OR14J1: variants seen among roughly 807,000 people sequenced by gnomAD.
OR14J1 encodes olfactory receptor family 14 subfamily J member 1.
For missense variants in OR14J1, 378 were observed against 393.4 expected, an observed-to-expected ratio of 0.96 and a Z score of 0.33; for synonymous variants, 140 against 146.7, an observed-to-expected ratio of 0.95 and a Z score of 0.33.
chr6:29,307,247 CT>C lies in OR14J1; in HGVS notation c.559del (p.Cys187ValfsTer23). ...ATGTTCCTCAGATGCTGAAACTAGCCTGTTCTTATGAATTCATTAATGAGAT... is the reference window on the plus strand; with the variant it reads ...ATGTTCCTCAGATGCTGAAACTAGCCGTTCTTATGAATTCATTAATGAGAT... ...CDVPQMLKLACSYEFINEIAL... is the reference protein window; with the variant it reads ...CDVPQMLKLAXSYEFINEIAL... On this transcript the variant is annotated frameshift_variant, in exon 2 of 2. Coordinates refer to ENST00000641895, the MANE Select transcript of OR14J1 (RefSeq NM_030946.2). LOFTEE classifies it low-confidence loss of function (END_TRUNC). 2.5e-6 allele frequency: 4 copies of C among 1,612,980 alleles called. No homozygotes were observed. The highest frequency in any genetic ancestry group is 3.4e-6 in the Non-Finnish European group (4 of 1,180,012).
intron 1 of OR14J1, among the ~76,000 whole-genome samples, chr6:29,303,788 G>C (rs1411085644): frequency 6.6e-6 from 1 of 151,668 alleles, no homozygotes; most frequent in East Asian, 1.9e-4. Context: ...AAACAATCTG[G>C]TTCATTAAGA....
At position 29,307,344 on chromosome 6, in the gene OR14J1, A is replaced by C; in HGVS notation, c.655A>C (p.Ile219Leu). 1.2e-6 allele frequency: 2 copies of C among 1,613,036 alleles called. No homozygotes were observed. Among genetic ancestry groups the C allele is most frequent in the Non-Finnish European group, 1.7e-6 (2 of 1,180,026 alleles). Residue 219 changes from isoleucine (I) to leucine (L), a missense_variant, in exon 2 of 2, where the codon ATC (isoleucine) becomes CTC (leucine). Ile to Leu is a conservative substitution (Grantham distance 5, BLOSUM62 2). Coordinates refer to ENST00000641895, the MANE Select transcript of OR14J1 (RefSeq NM_030946.2). ...CTCCATTGTGCTCTCCTACATTCGCATCTTCTCTACAGTGCTGAGAATCCC... is the reference window on the plus strand; with the variant it reads ...CTCCATTGTGCTCTCCTACATTCGCCTCTTCTCTACAGTGCTGAGAATCCC... ...LISIVLSYIR[I>L]FSTVLRIPSA...
rs1775521622 is a variant in OR14J1 at position 29,311,646 on chromosome 6, C to T, written c.*3991C>T. 1 of 152,034 alleles carries T rather than the reference C, an allele frequency of 6.6e-6. No individual in the cohort carries two copies. The highest frequency in any genetic ancestry group is 2.4e-5 in the African/African-American group (1 of 41,384). 9.4% of individuals were successfully genotyped at this position (152,034 alleles called of 1,614,324 possible). On this transcript the variant is annotated 3_prime_UTR_variant, in exon 2 of 2. Transcript: ENST00000641895. ...TCATAAAATGAGTTATGGAGGATTCCCTCTTTTTCTATTGTTTGGAATATT... is the reference window on the plus strand; with the variant it reads ...TCATAAAATGAGTTATGGAGGATTCTCTCTTTTTCTATTGTTTGGAATATT...
chr6:29,306,516 C>T (rs770273892), intron 1 of OR14J1, 146 bp from the exon 2 acceptor site: 10 of 617,432 alleles, frequency 1.6e-5, no homozygotes, highest in South Asian at 6.3e-5. Context: ...ATTGCTAAAA[C>T]GTTTTTGAAT....
In OR14J1 at chr6:29,309,074, C is replaced by G. The variant is rs1775318443; in HGVS notation, c.*1419C>G. 1 of 152,082 alleles carries G rather than the reference C, an allele frequency of 6.6e-6. No homozygotes were observed. The highest frequency in any genetic ancestry group is 2.4e-5 in the African/African-American group (1 of 41,398). 9.4% of individuals were successfully genotyped at this position (152,082 alleles called of 1,614,324 possible). A position where few individuals can be genotyped will look rare whatever the true frequency, so the allele number is the denominator to read the frequency against. On this transcript the variant is annotated 3_prime_UTR_variant, in exon 2 of 2. Coordinates refer to ENST00000641895, the MANE Select transcript of OR14J1 (RefSeq NM_030946.2). ...GTGTGTGATGTTCCCCTACCTGTGT[C>G]CATGTGTTCTCATTGTTCAGCTCCT...
In OR14J1 at chr6:29,309,591, G is replaced by A. The variant is rs1329579355; in HGVS notation, c.*1936G>A. ...ATAGCCATTCTAACTGGCATGAGATGGTATCTCATTATGGTTTTGATTCAC... is the reference window on the plus strand; with the variant it reads ...ATAGCCATTCTAACTGGCATGAGATAGTATCTCATTATGGTTTTGATTCAC... On this transcript the variant is annotated 3_prime_UTR_variant, in exon 2 of 2. Coordinates refer to ENST00000641895, the MANE Select transcript of OR14J1 (RefSeq NM_030946.2). 6.6e-6 allele frequency: 1 copy of A among 152,132 alleles called. No individual in the cohort carries two copies. The highest frequency in any genetic ancestry group is 1.5e-5 in the Non-Finnish European group (1 of 68,032). The allele number at this position is 152,132 out of a possible 1,614,324, so 9.4% of individuals were successfully genotyped here.
At chr6:29,302,842 T>A (rs1774807779) in intron 1 of OR14J1, among the ~76,000 whole-genome samples, 1 of 145,020 alleles carries the variant, frequency 6.9e-6, no homozygotes, top group Non-Finnish European at 1.5e-5. Flanking sequence ...AAGAATAAAA[T>A]ATTGCCAGAG....
At position 29,311,900 on chromosome 6, in the gene OR14J1, A is replaced by G. The variant is rs1165136406; in HGVS notation, c.*4245A>G. Reference sequence around the variant, plus strand: ...TAGATTTTCTAGTTTATTTGCATAGAGATGTTTATAGTATTCCCTGATGGT... The same window carrying G: ...TAGATTTTCTAGTTTATTTGCATAGGGATGTTTATAGTATTCCCTGATGGT... On this transcript the variant is annotated 3_prime_UTR_variant, in exon 2 of 2. Coordinates refer to ENST00000641895, the MANE Select transcript of OR14J1 (RefSeq NM_030946.2). 6.6e-6 allele frequency: 1 copy of G among 152,086 alleles called. No homozygotes were observed. The highest frequency in any genetic ancestry group is 6.5e-5 in the Admixed American group (1 of 15,270). 9.4% of individuals were successfully genotyped at this position (152,086 alleles called of 1,614,324 possible). A position where few individuals can be genotyped will look rare whatever the true frequency, so the allele number is the denominator to read the frequency against.
In OR14J1 at chr6:29,309,794, A is replaced by T. The variant is rs1300734163; in HGVS notation, c.*2139A>T. 2.0e-5 allele frequency: 3 copies of T among 152,230 alleles called. No homozygotes were observed. Among genetic ancestry groups the T allele is most frequent in the Admixed American group, 1.3e-4 (2 of 15,268 alleles). 9.4% of individuals were successfully genotyped at this position (152,230 alleles called of 1,614,324 possible). ...CAGGAGATTGAGACCATCCTGGCTA[A>T]CATGGTGAAACTCCATCTCAACTAA... On this transcript the variant is annotated 3_prime_UTR_variant, in exon 2 of 2. Coordinates refer to ENST00000641895, the MANE Select transcript of OR14J1 (RefSeq NM_030946.2).
Position 29,307,154 on chromosome 6 carries a change from C to T in OR14J1, c.465C>T (p.Leu155=), listed in dbSNP as rs150184697. 6 of 1,612,778 alleles carry T rather than the reference C, an allele frequency of 3.7e-6. No homozygotes were observed. The African/African-American group carries it at 6.7e-5, about 18-fold the overall frequency. ...AVWIAGGLSG[L]MHAAINFSIP... is the part of the protein sequence containing the mutation. ...GGATTGCTGGGGGCCTCTCTGGGCT[C>T]ATGCATGCTGCCATTAACTTCTCCA... The change falls in exon 2 of 2, where the codon CTC becomes CTT. Residue 155 remains leucine, a synonymous_variant. Coordinates refer to ENST00000641895, the MANE Select transcript of OR14J1 (RefSeq NM_030946.2).
rs1562861726 is a variant in OR14J1, at chr6:29,312,320, C to G, written c.*4665C>G. 1 of 152,618 alleles carries G rather than the reference C, an allele frequency of 6.6e-6. No individual in the cohort carries two copies. The highest frequency in any genetic ancestry group is 1.5e-5 in the Non-Finnish European group (1 of 68,388). 9.5% of individuals were successfully genotyped at this position (152,618 alleles called of 1,614,324 possible). Reference sequence around the variant, plus strand: ...AGCTCAGTCTCTGCGCAAACAGCCGCCCAGTTTTGTGCTTGAAACCCAGGA... The same window carrying G: ...AGCTCAGTCTCTGCGCAAACAGCCGGCCAGTTTTGTGCTTGAAACCCAGGA... On this transcript the variant is annotated 3_prime_UTR_variant, in exon 2 of 2. Transcript: ENST00000641895.
chr6:29,309,574 T>C lies in OR14J1; in HGVS notation c.*1919T>C, dbSNP rs1342052403. The C allele has an allele frequency of 6.6e-6, 1 of 152,226 alleles. No individual in the cohort carries two copies. The highest frequency in any genetic ancestry group is 1.5e-5 in the Non-Finnish European group (1 of 68,044). 9.4% of individuals were successfully genotyped at this position (152,226 alleles called of 1,614,324 possible). ...TTCCTGCCTTTTTAATGATAGCCAT[T>C]CTAACTGGCATGAGATGGTATCTCA... On this transcript the variant is annotated 3_prime_UTR_variant, in exon 2 of 2. Coordinates refer to ENST00000641895, the MANE Select transcript of OR14J1 (RefSeq NM_030946.2).
At position 29,312,000 on chromosome 6, in the gene OR14J1, G is replaced by A. The variant is rs1775548286; in HGVS notation, c.*4345G>A. ...TAGTGTCTATTGATTTTTCTCTCTT[G>A]TCTTCTTTATTAGTCTGGCTAGCAG... On this transcript the variant is annotated 3_prime_UTR_variant, in exon 2 of 2. Transcript: ENST00000641895. 1 of 151,812 alleles carries A rather than the reference G, an allele frequency of 6.6e-6. No individual in the cohort carries two copies. 9.4% of individuals were successfully genotyped at this position (151,812 alleles called of 1,614,324 possible).
chr6:29,310,376 T>C lies in OR14J1; in HGVS notation c.*2721T>C, dbSNP rs1192073494. ...AGCATTTATTAAATAGGGGATTCTT[T>C]CCCCATTGCTTGTTTTTGTCAAGTT... On this transcript the variant is annotated 3_prime_UTR_variant, in exon 2 of 2. Transcript: ENST00000641895. 1.3e-5 allele frequency: 2 copies of C among 152,252 alleles called. No homozygotes were observed. Among genetic ancestry groups the C allele is most frequent in the Admixed American group, 6.5e-5 (1 of 15,278 alleles). The allele number at this position is 152,252 out of a possible 1,614,324, so 9.4% of individuals were successfully genotyped here. A position where few individuals can be genotyped will look rare whatever the true frequency, so the allele number is the denominator to read the frequency against.
chr6:29,306,601 G>T, intron 1 of OR14J1, 61 bp from the exon 2 acceptor site: 1 of 768,336 alleles, frequency 1.3e-6, no homozygotes, highest in South Asian at 1.7e-5. Flanking sequence ...TGAGTTACTT[G>T]ACACACAAAT....
In OR14J1 at chr6:29,311,074, C is replaced by G. The variant is rs1420525576; in HGVS notation, c.*3419C>G. On this transcript the variant is annotated 3_prime_UTR_variant, in exon 2 of 2. Coordinates refer to ENST00000641895, the MANE Select transcript of OR14J1 (RefSeq NM_030946.2). The stretch of plus-strand genomic sequence containing the variant: ...TCTGCAAACAGAGACAATTTGAATT[C>G]CTCTCTTTCTATTTGAATACCTTTT... The G allele has an allele frequency of 6.6e-6, 1 of 152,072 alleles. No homozygotes were observed. The highest frequency in any genetic ancestry group is 2.4e-5 in the African/African-American group (1 of 41,402). The allele number at this position is 152,072 out of a possible 1,614,324, so 9.4% of individuals were successfully genotyped here.
At position 29,307,985 on chromosome 6, in the gene OR14J1, A is replaced by T. The variant is rs922453668; in HGVS notation, c.*330A>T. On this transcript the variant is annotated 3_prime_UTR_variant, in exon 2 of 2. Transcript: ENST00000641895. ...TAACTGGGTTAATATTATGGTGCAT[A>T]TATGGTATTTCCAGTGGGCCTCCTA... 1 of 190,806 alleles carries T rather than the reference A, an allele frequency of 5.2e-6. No individual in the cohort carries two copies. The highest frequency in any genetic ancestry group is 1.1e-5 in the Non-Finnish European group (1 of 93,462). The allele number at this position is 190,806 out of a possible 1,614,324, so 11.8% of individuals were successfully genotyped here. A position where few individuals can be genotyped will look rare whatever the true frequency, so the allele number is the denominator to read the frequency against.
chr6:29,306,541 T>C, intron 1 of OR14J1, 121 bp from the exon 2 acceptor site: 1 of 658,282 alleles, frequency 1.5e-6, no homozygotes, highest in African/African-American at 1.8e-5. Context: ...TATTAACTAA[T>C]CGCAATGAAA....
intron 1 of OR14J1, among the ~76,000 whole-genome samples, chr6:29,306,092 A>G (rs1003128713): frequency 6.6e-6 from 1 of 152,192 alleles, no homozygotes; most frequent in Admixed American, 6.5e-5. Context: ...GAGACATTTC[A>G]TTTTTCAAAA....
Sources: allele counts gnomAD v4.1 joint callset (sites outside exome capture counted in the v4.1 genomes callset), GRCh38; gene constraint gnomAD v4.1.1; transcripts MANE v1.5; gene names NCBI Gene and HGNC (gene_info 2026-07-23, HGNC 2026-07-21).